Variants in HS3ST4 observed in about 807,000 individuals in gnomAD.
HS3ST4 encodes the protein heparan sulfate glucosamine 3-O-sulfotransferase 4.
A neutral mutation model predicts 29.2 loss-of-function variants in HS3ST4; 17 were observed. The observed-to-expected ratio is 0.58, with a 90% CI of 0.40 to 0.87. HS3ST4 has a LOEUF of 0.87. Ranked by LOEUF, HS3ST4 falls within the 40% of genes least tolerant of loss-of-function variation. The probability of loss-of-function intolerance (pLI) is 0.00; values close to 1 mark genes in which losing one functional copy is unlikely to be tolerated. For synonymous variants in HS3ST4, 314 were observed against 285.7 expected (o/e 1.10, Z -1.00); for missense variants, 627 against 634.5 (o/e 0.99, Z 0.13).
chr16:26,020,485 C>T (rs1969402770), intron 1 of HS3ST4, among the ~76,000 whole-genome samples: 1 of 152,194 alleles, frequency 6.6e-6, no homozygotes, highest in Non-Finnish European at 1.5e-5. Flanking sequence ...GCTGTGACAG[C>T]CGGAGGACTG....
intron 1 of HS3ST4, among the ~76,000 whole-genome samples, chr16:25,926,589 T>G (rs1248145098): frequency 6.6e-6 from 1 of 152,224 alleles, no homozygotes; most frequent in Non-Finnish European, 1.5e-5. Flanking sequence ...AGATGCCTGC[T>G]CAGTGTTTAC....
intron 1 of HS3ST4, among the ~76,000 whole-genome samples, chr16:25,843,353 G>A (rs141855137): frequency 7.9e-5 from 12 of 152,234 alleles, no homozygotes; most frequent in Middle Eastern, 3.4e-3. Flanking sequence ...TCTCAGGGAC[G>A]CTGCCCCTTT....
chr16:25,915,168 G>A (rs192507440), intron 1 of HS3ST4, among the ~76,000 whole-genome samples: 10 of 152,204 alleles, frequency 6.6e-5, no homozygotes, highest in East Asian at 5.8e-4. Flanking sequence ...AGTGCTCTAC[G>A]ACGTGCTTCA....
rs117289277 is a variant in HS3ST4 at position 25,742,707 on chromosome 16, T to C, written c.734+49556T>C. 7.2e-3 allele frequency among the ~76,000 whole-genome samples: 1,093 copies of C among 152,376 alleles called. 12 individuals carry two copies. The highest frequency in any genetic ancestry group is 8.9e-3 in the Non-Finnish European group (607 of 68,040). ...TTTGGCTATTTCCATGCTTAGCTGC[T>C]GCCGACCTTTTGTTTTACTCTCAGC... On this transcript the variant is annotated intron_variant, in intron 1 of 1. Transcript: ENST00000331351.
At chr16:25,909,902 A>G (rs1158541136) in intron 1 of HS3ST4, among the ~76,000 whole-genome samples, 1 of 151,802 alleles carries the variant, frequency 6.6e-6, no homozygotes, top group Non-Finnish European at 1.5e-5. Flanking sequence ...GTCTTGCTGT[A>G]TTGCCCAGGC....
intron 1 of HS3ST4, among the ~76,000 whole-genome samples, chr16:26,083,885 A>G (rs1898753800): frequency 6.6e-6 from 1 of 152,166 alleles, no homozygotes; most frequent in Non-Finnish European, 1.5e-5. Flanking sequence ...TCTAGGGGAG[A>G]TAACATGTGA....
chr16:25,837,023 A>G (rs1266307173), intron 1 of HS3ST4, among the ~76,000 whole-genome samples: 2 of 152,220 alleles, frequency 1.3e-5, no homozygotes, highest in Non-Finnish European at 2.9e-5. Flanking sequence ...TTGTCCCCAG[A>G]TCTTTCCAGG....
At chr16:25,788,173 G>A (rs1216506455) in intron 1 of HS3ST4, among the ~76,000 whole-genome samples, 1 of 152,162 alleles carries the variant, frequency 6.6e-6, no homozygotes, top group East Asian at 1.9e-4. Context: ...AACACTTCGG[G>A]AGGCTGAGAA....
rs1409235372 is a variant in HS3ST4, at chr16:25,692,694, G to A, written c.277G>A (p.Ala93Thr). 2 of 1,227,918 alleles carry A rather than the reference G, an allele frequency of 1.6e-6. No individual in the cohort carries two copies. The highest frequency in any genetic ancestry group is 3.4e-5 in the South Asian group (1 of 29,448). 76.1% of individuals were successfully genotyped at this position (1,227,918 alleles called of 1,614,324 possible). A position where few individuals can be genotyped will look rare whatever the true frequency, so the allele number is the denominator to read the frequency against. ...GCTGCCTACCCCCGTGCGCCTCGGC[G>A]CCCCCTCGCAGCCGCCCGCGCCGCC... is the stretch of plus-strand genomic sequence containing the variant. ...SLLPTPVRLG[A>T]PSQPPAPPPL... The change falls in exon 1 of 2, where the codon GCC becomes ACC. Residue 93 changes from alanine to threonine, a missense_variant. Physicochemically the swap from Ala to Thr is moderately conservative, Grantham distance 58 (BLOSUM62 0). Transcript: ENST00000331351.
chr16:25,957,197 G>C (rs1968743887), intron 1 of HS3ST4, among the ~76,000 whole-genome samples: 4 of 151,988 alleles, frequency 2.6e-5, no homozygotes, highest in Non-Finnish European at 5.9e-5. Context: ...CTTTTCCAAA[G>C]GCCCTCTGAT....
chr16:25,792,360 C>T (rs935990618), intron 1 of HS3ST4, among the ~76,000 whole-genome samples: 6 of 151,598 alleles, frequency 4.0e-5, no homozygotes, highest in East Asian at 1.9e-4. Context: ...AGGAATGTTT[C>T]GTGAAAAACT....
At chr16:25,777,645 G>A (rs1484311997) in intron 1 of HS3ST4, among the ~76,000 whole-genome samples, 1 of 152,172 alleles carries the variant, frequency 6.6e-6, no homozygotes, top group Non-Finnish European at 1.5e-5. Context: ...CCAGGCGCCT[G>A]TAGTCCCAGT....
chr16:25,721,286 G>A (rs961457612), intron 1 of HS3ST4, among the ~76,000 whole-genome samples: 1 of 152,088 alleles, frequency 6.6e-6, no homozygotes, highest in Non-Finnish European at 1.5e-5. Context: ...GGTTTAGGGG[G>A]GCTGTAAGTC....
intron 1 of HS3ST4, among the ~76,000 whole-genome samples, chr16:25,695,577 C>A (rs1966289120): frequency 2.0e-5 from 3 of 152,194 alleles, no homozygotes; most frequent in African/African-American, 7.2e-5. Flanking sequence ...AGCATTCTCA[C>A]TGTATTGTAG....
At chr16:26,125,683 C>T (rs946430335) in intron 1 of HS3ST4, among the ~76,000 whole-genome samples, 2 of 152,172 alleles carry the variant, frequency 1.3e-5, no homozygotes, top group Non-Finnish European at 2.9e-5. Context: ...GTCCTTAGTC[C>T]ACCTTCTATG....
chr16:25,726,404 C>G (rs568858920), intron 1 of HS3ST4, among the ~76,000 whole-genome samples: 1 of 152,112 alleles, frequency 6.6e-6, no homozygotes, highest in Admixed American at 6.6e-5. Flanking sequence ...CAATGTTTTT[C>G]TAGTCCTAAA....
intron 1 of HS3ST4, among the ~76,000 whole-genome samples, chr16:25,857,282 T>A (rs971338219): frequency 5.9e-5 from 9 of 152,202 alleles, no homozygotes; most frequent in African/African-American, 9.7e-5. Flanking sequence ...ATCAACTGTC[T>A]CTCCTAATTA....
chr16:25,841,091 GC>G (rs1292062926), intron 1 of HS3ST4, among the ~76,000 whole-genome samples: 5 of 149,466 alleles, frequency 3.3e-5, no homozygotes, highest in South Asian at 2.1e-4. Context: ...TGCAGGCTCC[GC>G]CCCCCGGGGT....
At chr16:25,902,804 C>T (rs1031835180) in intron 1 of HS3ST4, among the ~76,000 whole-genome samples, 4 of 151,516 alleles carry the variant, frequency 2.6e-5, no homozygotes, top group South Asian at 4.2e-4. Context: ...AAAAAAACAA[C>T]GTCTGGCGGA....
Sources: gnomAD v4.1 joint callset for allele counts (sites outside exome capture counted in the v4.1 genomes callset) on GRCh38, gnomAD v4.1.1 for gene constraint, MANE v1.5 for transcripts, NCBI Gene and HGNC (gene_info 2026-07-23, HGNC 2026-07-21) for gene names.